Variants in GTPBP10 observed in about 807,000 individuals in gnomAD.
GTPBP10 encodes GTP-binding protein 10.
GTPBP10 carries 38 observed loss-of-function variants against 44.8 expected under a neutral mutation model. The observed-to-expected ratio is 0.85, with a 90% CI of 0.65 to 1.11. The LOEUF is 1.11. Among genes scored for constraint, GTPBP10 ranks in the 50% most tolerant of loss-of-function variants. The pLI, the probability that GTPBP10 is intolerant of heterozygous loss-of-function variation, is 0.00. For synonymous variants in GTPBP10, 152 were observed against 150.6 expected (o/e 1.01, Z -0.07); for missense variants, 462 against 453.7 (o/e 1.02, Z -0.17).
At position 90,385,876 on chromosome 7, in the gene GTPBP10, C is replaced by G. The variant is rs1584651270; in HGVS notation, c.*722C>G. The G allele has an allele frequency of 6.6e-6, 1 of 151,876 alleles. No individual in the cohort carries two copies. Among genetic ancestry groups the G allele is most frequent in the African/African-American group, 2.4e-5 (1 of 41,302 alleles). The allele number at this position is 151,876 out of a possible 1,614,324, so 9.4% of individuals were successfully genotyped here. A position where few individuals can be genotyped will look rare whatever the true frequency, so the allele number is the denominator to read the frequency against. ...TTCAAGACCAGCCTGGCCAACATGGCGAAACCCCGTCTCTACTAAAAATAT... is the reference window on the plus strand; with the variant it reads ...TTCAAGACCAGCCTGGCCAACATGGGGAAACCCCGTCTCTACTAAAAATAT... On this transcript the variant is annotated 3_prime_UTR_variant, in exon 10 of 10. Transcript: ENST00000222511.
At position 90,353,125 on chromosome 7, in the gene GTPBP10, TATAACC is replaced by T. The variant is rs781596875; in HGVS notation, c.227+118_227+123del. 104 of 654,486 alleles carry T rather than the reference TATAACC, an allele frequency of 1.6e-4. 1 individual carries two copies. Among genetic ancestry groups the T allele is most frequent in the Non-Finnish European group, 2.5e-4 (100 of 399,342 alleles). 40.5% of individuals were successfully genotyped at this position (654,486 alleles called of 1,614,324 possible). ...TTTGAAGTAAATTATTTCCTGTATT[TATAACC>T]AAGCAAAAGCCTAAAATGTCTCAAC... On this transcript the variant is annotated intron_variant, in intron 2 of 9. Coordinates refer to ENST00000222511, the MANE Select transcript of GTPBP10 (RefSeq NM_033107.4).
At chr7:90,353,414 CTG>C (rs1241301909) in intron 2 of GTPBP10, among the ~76,000 whole-genome samples, 40 of 152,280 alleles carry the variant, frequency 2.6e-4, no homozygotes, top group South Asian at 2.1e-4. Context: ...TAAGACTTTT[CTG>C]TGTGTTTACA....
chr7:90,366,383 T>C (rs1038720742), intron 4 of GTPBP10, among the ~76,000 whole-genome samples: 7 of 152,326 alleles, frequency 4.6e-5, no homozygotes, highest in Admixed American at 3.9e-4. Context: ...TCTGGTAGAA[T>C]TGAGCTGTGA....
chr7:90,348,397 C>G (rs572193372), intron 1 of GTPBP10, among the ~76,000 whole-genome samples: 1 of 152,214 alleles, frequency 6.6e-6, no homozygotes, highest in East Asian at 1.9e-4. Context: ...TCACTGATAA[C>G]ATAAGCCGTC....
intron 9 of GTPBP10, among the ~76,000 whole-genome samples, chr7:90,384,656 C>T (rs1796491833): frequency 6.6e-6 from 1 of 151,164 alleles, no homozygotes; most frequent in Non-Finnish European, 1.5e-5. Flanking sequence ...GATTCATCTT[C>T]TACTCATACT....
At position 90,384,166 on chromosome 7, in the gene GTPBP10, A is replaced by G. The variant is rs76441971; in HGVS notation, c.902-726A>G. ...TATAGGCCCTTTAGTGATAATCCTG[A>G]GTTATCCTCTCTGGACTTTCTTCGG... On this transcript the variant is annotated intron_variant, in intron 9 of 9. Coordinates refer to ENST00000222511, the MANE Select transcript of GTPBP10 (RefSeq NM_033107.4). 7.5e-3 allele frequency among the ~76,000 whole-genome samples: 1,145 copies of G among 152,242 alleles called. 13 individuals carry two copies. Among genetic ancestry groups the G allele is most frequent in the African/African-American group, 0.026 (1,074 of 41,532 alleles).
Position 90,354,509 on chromosome 7 carries a change from T to C in GTPBP10, c.279T>C (p.Pro93=), listed in dbSNP as rs1044148646. The C allele has an allele frequency of 6.3e-7, 1 of 1,588,716 alleles. No individual in the cohort carries two copies. Among genetic ancestry groups the C allele is most frequent in the Non-Finnish European group, 8.6e-7 (1 of 1,167,602 alleles). The stretch of plus-strand genomic sequence containing the variant: ...GAAAAGACTGTGAAATCCCTGTGCC[T>C]GTGGGTATTTCAGTAACTGATGAAA... The part of the protein sequence containing the change: ...SKGKDCEIPV[P]VGISVTDENG... Residue 93 remains proline, a synonymous_variant, in exon 3 of 10, where the codon CCT becomes CCC. Coordinates refer to ENST00000222511, the MANE Select transcript of GTPBP10 (RefSeq NM_033107.4).
chr7:90,363,471 C>G (rs951805952), intron 4 of GTPBP10, among the ~76,000 whole-genome samples: 1 of 152,208 alleles, frequency 6.6e-6, no homozygotes, highest in African/African-American at 2.4e-5. Flanking sequence ...CCCCCACTCT[C>G]TTCTGGCTTT....
chr7:90,374,433 TTGCCTGTTTCTG>T, intron 6 of GTPBP10, 79 bp downstream of exon 6: 1 of 931,242 alleles, frequency 1.1e-6, no homozygotes, highest in Non-Finnish European at 1.7e-6. Context: ...ATTATAGTTT[TTGCCTGTTTCTG>T]TGGTGTTAGG....
At chr7:90,355,888 GA>G (rs1172762715) in intron 4 of GTPBP10, among the ~76,000 whole-genome samples, 1 of 152,170 alleles carries the variant, frequency 6.6e-6, no homozygotes. Context: ...ACTGGAAGGG[GA>G]TAGATAGTAA....
intron 4 of GTPBP10, among the ~76,000 whole-genome samples, chr7:90,364,502 C>T (rs1584635881): frequency 1.3e-5 from 2 of 152,204 alleles, no homozygotes; most frequent in South Asian, 4.1e-4. Flanking sequence ...GAAGCTTCAT[C>T]TCAGGGGTAC....
At chr7:90,366,633 G>A (rs1461624135) in intron 4 of GTPBP10, among the ~76,000 whole-genome samples, 1 of 151,358 alleles carries the variant, frequency 6.6e-6, no homozygotes, top group Admixed American at 6.6e-5. Context: ...ATCCCCTTTA[G>A]CATTTTTTTA....
intron 4 of GTPBP10, among the ~76,000 whole-genome samples, chr7:90,367,784 A>G (rs186285094): frequency 6.6e-6 from 1 of 152,242 alleles, no homozygotes; most frequent in Non-Finnish European, 1.5e-5. Context: ...ATTTACATTT[A>G]AGGTTGATAT....
chr7:90,381,336 G>A (rs189197370), intron 8 of GTPBP10, among the ~76,000 whole-genome samples: 7 of 152,276 alleles, frequency 4.6e-5, no homozygotes, highest in Admixed American at 1.3e-4. Context: ...CCTTCCAAGT[G>A]TGAGGAGCTA....
intron 4 of GTPBP10, among the ~76,000 whole-genome samples, chr7:90,357,295 CATT>C (rs778282251): frequency 1.3e-5 from 2 of 152,072 alleles, no homozygotes; most frequent in Non-Finnish European, 2.9e-5. Context: ...TGTGCTCAAT[CATT>C]ATGAAAATAT....
intron 2 of GTPBP10, among the ~76,000 whole-genome samples, chr7:90,353,471 G>A (rs760244656): frequency 6.6e-6 from 1 of 152,156 alleles, no homozygotes; most frequent in Non-Finnish European, 1.5e-5. Context: ...AAAAATGAGA[G>A]TACAGTATTT....
chr7:90,351,105 G>A (rs1235812676), intron 1 of GTPBP10, among the ~76,000 whole-genome samples: 1 of 152,150 alleles, frequency 6.6e-6, no homozygotes, highest in Non-Finnish European at 1.5e-5. Context: ...TGAGATCCCG[G>A]GATAGTTACA....
At chr7:90,381,061 C>A (rs1000737493) in intron 8 of GTPBP10, among the ~76,000 whole-genome samples, 4 of 152,124 alleles carry the variant, frequency 2.6e-5, no homozygotes, top group Non-Finnish European at 5.9e-5. Flanking sequence ...GATTCCATGT[C>A]TCGGCTATTG....
chr7:90,390,407 T>C lies in GTPBP10; in HGVS notation c.*5253T>C, dbSNP rs931891422. 1.3e-5 allele frequency: 2 copies of C among 152,206 alleles called. No homozygotes were observed. Among genetic ancestry groups the C allele is most frequent in the African/African-American group, 4.8e-5 (2 of 41,452 alleles). The allele number at this position is 152,206 out of a possible 1,614,324, so 9.4% of individuals were successfully genotyped here. On this transcript the variant is annotated 3_prime_UTR_variant, in exon 10 of 10. Transcript: ENST00000222511. ...AAATTTTAGGCAATTTGTTAGAATT[T>C]TTTTTAAATGTTCTTAATAGTTGTT... is the stretch of plus-strand genomic sequence containing the variant.
Sources: gnomAD v4.1 joint callset for allele counts (sites outside exome capture counted in the v4.1 genomes callset) on GRCh38, gnomAD v4.1.1 for gene constraint, MANE v1.5 for transcripts, NCBI Gene and HGNC (gene_info 2026-07-23, HGNC 2026-07-21) for gene names.